The following C18orf63 variants were observed in gnomAD, a reference collection of about 807,000 sequenced individuals.
C18orf63 encodes the protein uncharacterized protein C18orf63.
A neutral mutation model predicts 75.3 loss-of-function variants in C18orf63; 50 were observed. The ratio of observed to expected loss-of-function variants is 0.66; its 90% CI spans 0.53 to 0.84. The LOEUF (loss-of-function observed/expected upper bound fraction) is 0.84, where lower values mean the gene tolerates loss of function less well. Ranked by LOEUF, C18orf63 falls within the 40% of genes least tolerant of loss-of-function variation. The pLI is 0.00. For synonymous variants in C18orf63, 232 were observed against 267.6 expected (o/e 0.87, Z 1.30); for missense variants, 732 against 800.2 (o/e 0.91, Z 1.03).
chr18:74,353,314 T>G lies in C18orf63; in HGVS notation c.1047T>G (p.Thr349=), dbSNP rs1391093627. The change falls in exon 12 of 14, where the codon ACT becomes ACG. Residue 349 remains threonine (T), a synonymous_variant. Transcript: ENST00000579455. Reference sequence around the variant, plus strand: ...TTAGGGCATCTCTGACTCAAGCCACTTCCAGAAAGCCTGCCTGTGCTCAAA... The same window carrying G: ...TTAGGGCATCTCTGACTCAAGCCACGTCCAGAAAGCCTGCCTGTGCTCAAA... ...KMLRASLTQA[T]SRKPACAQSL... is the part of the protein sequence containing the mutation. 5 of 1,536,446 alleles carry G rather than the reference T, an allele frequency of 3.3e-6. No individual in the cohort carries two copies. The highest frequency in any genetic ancestry group is 4.4e-6 in the Non-Finnish European group (5 of 1,146,996).
intron 11 of C18orf63, 105 bp downstream of exon 11, chr18:74,343,807 A>G (rs1984527715): frequency 1.8e-6 from 1 of 570,070 alleles, no homozygotes; most frequent in Non-Finnish European, 2.8e-6. Context: ...GTGTGCAGTA[A>G]TTCTTTTATC....
At chr18:74,335,090 C>T (rs983792876) in intron 7 of C18orf63, among the ~76,000 whole-genome samples, 1 of 152,160 alleles carries the variant, frequency 6.6e-6, no homozygotes, top group Non-Finnish European at 1.5e-5. Context: ...GCAAATGTCT[C>T]ATTCAACTGA....
At chr18:74,330,640 A>AC (rs1984289058) in intron 6 of C18orf63, among the ~76,000 whole-genome samples, 1 of 151,662 alleles carries the variant, frequency 6.6e-6, no homozygotes. Flanking sequence ...TATGACCTGC[A>AC]CCCCCCACAC....
At chr18:74,317,166 C>G (rs11151942) in intron 1 of C18orf63, among the ~76,000 whole-genome samples, 105,541 of 152,170 alleles carry the variant, frequency 0.69, 36,907 homozygotes, top group Non-Finnish European at 0.74. Context: ...GTCCAGCTTA[C>G]TTTTCCCTAA....
rs181575854 is a variant in C18orf63, at chr18:74,347,934, T to C, written c.978+4232T>C. 2.0e-5 allele frequency among the ~76,000 whole-genome samples: 3 copies of C among 152,300 alleles called. No individual in the cohort carries two copies. The East Asian group carries it at 5.8e-4, about 29-fold the overall frequency. On this transcript the variant is annotated intron_variant, in intron 11 of 13. Coordinates refer to ENST00000579455, the MANE Select transcript of C18orf63 (RefSeq NM_001174123.2). ...GGGATTTTGGAACCAATCCCAGATA[T>C]AGTGTTTTACCTGTAAAGACTATGG...
chr18:74,330,727 T>C, intron 6 of C18orf63, 139 bp from the exon 7 acceptor site: 1 of 457,892 alleles, frequency 2.2e-6, no homozygotes, highest in African/African-American at 2.0e-5. Flanking sequence ...GTGGTTATTA[T>C]TTGAATTTTA....
At chr18:74,323,304 C>G (rs1202052230) in intron 4 of C18orf63, among the ~76,000 whole-genome samples, 1 of 152,168 alleles carries the variant, frequency 6.6e-6, no homozygotes, top group Non-Finnish European at 1.5e-5. Flanking sequence ...TTGCTGGCCT[C>G]TGTTCCTAAG....
Position 74,353,800 on chromosome 18 carries a change from G to T in C18orf63, c.1533G>T (p.Leu511=). The change falls in exon 12 of 14, where the codon CTG becomes CTT. Residue 511 remains leucine (L), a synonymous_variant. Coordinates refer to ENST00000579455, the MANE Select transcript of C18orf63 (RefSeq NM_001174123.2). ...NNLNQENSRP[L]QEKNTESSEN... is the part of the protein sequence containing the mutation. ...TAAATCAGGAGAATTCCAGACCTCT[G>T]CAAGAAAAAAATACAGAGTCTTCTG... The T allele has an allele frequency of 6.5e-7, 1 of 1,535,838 alleles. No individual in the cohort carries two copies. The highest frequency in any genetic ancestry group is 8.7e-7 in the Non-Finnish European group (1 of 1,146,800).
chr18:74,347,837 T>G, intron 11 of C18orf63, among the ~76,000 whole-genome samples: 1 of 152,204 alleles, frequency 6.6e-6, no homozygotes, highest in East Asian at 1.9e-4. Flanking sequence ...TAAAGGAAAT[T>G]AGTATAATCA....
chr18:74,349,029 G>C (rs1041708328), intron 11 of C18orf63, among the ~76,000 whole-genome samples: 2 of 152,162 alleles, frequency 1.3e-5, no homozygotes, highest in Admixed American at 1.3e-4. Context: ...TTCTAGTACA[G>C]TTTTATGTTC....
chr18:74,326,041 T>C lies in C18orf63; in HGVS notation c.271-1906T>C, dbSNP rs774893834. ...GTCAATACAGAAATTAAGAGAGAAA[T>C]CCACCTGGCCTTCTGAGGAAGACCC... On this transcript the variant is annotated intron_variant, in intron 4 of 13. Transcript: ENST00000579455. Among the ~76,000 whole-genome samples the C allele has an allele frequency of 1.1e-4, 17 of 151,912 alleles. 1 individual carries two copies. Among genetic ancestry groups the C allele is most frequent in the Middle Eastern group, 6.8e-3 (2 of 292 alleles).
At chr18:74,325,453 A>G (rs1197856880) in intron 4 of C18orf63, among the ~76,000 whole-genome samples, 1 of 152,216 alleles carries the variant, frequency 6.6e-6, no homozygotes, top group East Asian at 1.9e-4. Context: ...AATATAGTCT[A>G]TCTTAGTAAA....
intron 8 of C18orf63, among the ~76,000 whole-genome samples, chr18:74,340,404 T>G (rs1984461467): frequency 6.6e-6 from 1 of 152,298 alleles, no homozygotes; most frequent in South Asian, 2.1e-4. Flanking sequence ...ACACTGTTGA[T>G]GAGAATGTAA....
At chr18:74,345,400 T>C (rs944067171) in intron 11 of C18orf63, among the ~76,000 whole-genome samples, 1 of 152,092 alleles carries the variant, frequency 6.6e-6, no homozygotes, top group African/African-American at 2.4e-5. Flanking sequence ...ATCAAAATGA[T>C]CAGTCTTTTT....
At chr18:74,328,910 A>T in intron 5 of C18orf63, 85 bp from the exon 6 acceptor site, 3 of 734,580 alleles carry the variant, frequency 4.1e-6, no homozygotes. Flanking sequence ...TAGCTTTGAT[A>T]ATCTCACATC....
chr18:74,338,999 G>C (rs958052605), intron 8 of C18orf63, among the ~76,000 whole-genome samples, 175 bp downstream of exon 8: 1 of 151,812 alleles, frequency 6.6e-6, no homozygotes, highest in Admixed American at 6.6e-5. Flanking sequence ...CAAAAGCCAT[G>C]AATTTTCTTT....
chr18:74,357,322 C>T lies in C18orf63; in HGVS notation c.*875C>T, dbSNP rs577133568. On this transcript the variant is annotated 3_prime_UTR_variant, in exon 14 of 14. Coordinates refer to ENST00000579455, the MANE Select transcript of C18orf63 (RefSeq NM_001174123.2). ...GTCTCAAGCAAATTCATTCTGGGTT[C>T]CTGGCACAGACTTAGGGATATGTAT... The T allele has an allele frequency of 6.6e-6, 1 of 152,208 alleles. No homozygotes were observed. The highest frequency in any genetic ancestry group is 6.5e-5 in the Admixed American group (1 of 15,272). The allele number at this position is 152,208 out of a possible 1,614,324, so 9.4% of individuals were successfully genotyped here. A position where few individuals can be genotyped will look rare whatever the true frequency, so the allele number is the denominator to read the frequency against.
intron 7 of C18orf63, among the ~76,000 whole-genome samples, chr18:74,331,980 G>T (rs1464682202): frequency 6.6e-6 from 1 of 152,070 alleles, no homozygotes; most frequent in Non-Finnish European, 1.5e-5. Flanking sequence ...TAAATAACTG[G>T]AATGGGTAAC....
chr18:74,348,601 A>G (rs1266174968), intron 11 of C18orf63, among the ~76,000 whole-genome samples: 1 of 152,218 alleles, frequency 6.6e-6, no homozygotes, highest in Non-Finnish European at 1.5e-5. Context: ...CATAAGTTGT[A>G]TATAAATTCT....
Sources: allele counts gnomAD v4.1 joint callset (sites outside exome capture counted in the v4.1 genomes callset), GRCh38; gene constraint gnomAD v4.1.1; transcripts MANE v1.5; gene names NCBI Gene and HGNC (gene_info 2026-07-23, HGNC 2026-07-21).